MAGI1: variants seen among roughly 807,000 people sequenced by gnomAD.
The protein encoded by MAGI1 is membrane-associated guanylate kinase, WW and PDZ domain-containing protein 1.
In MAGI1, 58 loss-of-function variants were observed where a neutral mutation model predicts 139.9. That is an observed-to-expected ratio of 0.41 (90% CI 0.34 to 0.52). MAGI1 has a LOEUF of 0.52. MAGI1 is among the 20% of genes least tolerant of loss of function. MAGI1 has a pLI of 0.12. For missense variants in MAGI1, 1,874 were observed against 1,901.6 expected (o/e 0.99, Z 0.27); for synonymous variants, 812 against 737.9 (o/e 1.10, Z -1.63).
At chr3:65,977,765 G>A (rs2065341342) in intron 1 of MAGI1, among the ~76,000 whole-genome samples, 6 of 151,744 alleles carry the variant, frequency 4.0e-5, no homozygotes, top group Non-Finnish European at 7.4e-5. Flanking sequence ...GACCTGAAAG[G>A]CCCTACAGGC....
In MAGI1 at chr3:66,015,535, T is replaced by C. The variant is rs114919834; in HGVS notation, c.313+22461A>G. 5.2e-3 allele frequency among the ~76,000 whole-genome samples: 791 copies of C among 152,280 alleles called. 3 individuals are homozygous for C. Among genetic ancestry groups the C allele is most frequent in the African/African-American group, 0.018 (763 of 41,556 alleles). The stretch of plus-strand genomic sequence containing the variant: ...ATGGGAATGATTATAACACATTTCA[T>C]AGAGCTGATTGAGAAGTAAATGAGT... On this transcript the variant is annotated intron_variant, in intron 1 of 22. Coordinates refer to ENST00000402939, the MANE Select transcript of MAGI1 (RefSeq NM_001033057.2).
chr3:65,731,060 G>A (rs368693283), intron 1 of MAGI1, among the ~76,000 whole-genome samples: 8 of 152,162 alleles, frequency 5.3e-5, no homozygotes, highest in East Asian at 3.9e-4. Flanking sequence ...GGTAACCACC[G>A]TGCAACAGGG....
intron 1 of MAGI1, among the ~76,000 whole-genome samples, chr3:65,862,000 T>A (rs184840083): frequency 6.6e-6 from 1 of 152,312 alleles, no homozygotes; most frequent in Admixed American, 6.5e-5. Flanking sequence ...GTCTCTCTAA[T>A]TGGCACCACC....
At chr3:65,847,784 C>G (rs1395428353) in intron 1 of MAGI1, among the ~76,000 whole-genome samples, 1 of 152,162 alleles carries the variant, frequency 6.6e-6, no homozygotes, top group South Asian at 2.1e-4. Context: ...CTGGGTACTA[C>G]GCTCTTCACT....
intron 18 of MAGI1, chr3:65,371,893 A>T (rs1942038428): frequency 2.2e-6 from 1 of 446,572 alleles, no homozygotes; most frequent in South Asian, 1.6e-5. Context: ...TTCCAATTCT[A>T]CTTCTCTTGC....
intron 1 of MAGI1, among the ~76,000 whole-genome samples, chr3:65,654,001 G>A (rs999105534): frequency 2.0e-5 from 3 of 152,152 alleles, no homozygotes; most frequent in Non-Finnish European, 4.4e-5. Flanking sequence ...ACAGCCATAT[G>A]TGAACAGGAA....
At chr3:65,807,347 G>A (rs1178116728) in intron 1 of MAGI1, among the ~76,000 whole-genome samples, 2 of 152,076 alleles carry the variant, frequency 1.3e-5, no homozygotes, top group African/African-American at 4.8e-5. Flanking sequence ...CATATAGGAA[G>A]GACAAAAAGG....
Position 65,835,637 on chromosome 3 carries a change from T to C in MAGI1, c.313+202359A>G, listed in dbSNP as rs374257571. 1.4e-4 allele frequency among the ~76,000 whole-genome samples: 21 copies of C among 152,358 alleles called. No homozygotes were observed. The East Asian group carries it at 3.5e-3, about 25-fold the overall frequency. On this transcript the variant is annotated intron_variant, in intron 1 of 22. Transcript: ENST00000402939. Reference sequence around the variant, plus strand: ...TATACAAGAAATCAACGACTCTGTCTGGTGTATTTACTTTCATTGCCAGAT... The same window carrying C: ...TATACAAGAAATCAACGACTCTGTCCGGTGTATTTACTTTCATTGCCAGAT...
intron 1 of MAGI1, among the ~76,000 whole-genome samples, chr3:65,731,067 AG>A (rs1162085657): frequency 1.3e-5 from 2 of 152,184 alleles, no homozygotes; most frequent in African/African-American, 4.8e-5. Flanking sequence ...ACCGTGCAAC[AG>A]GGCATTTCTT....
In MAGI1 at chr3:65,859,858, G is replaced by T. The variant is rs1252447163; in HGVS notation, c.313+178138C>A. Among the ~76,000 whole-genome samples the T allele has an allele frequency of 3.3e-5, 5 of 151,656 alleles. No individual in the cohort carries two copies. The East Asian group carries it at 9.7e-4, about 29-fold the overall frequency. Reference sequence around the variant, plus strand: ...CCTCTGCTTTAACCCTTACCAAAAAGTAACCTATGCTAACCAATCAGGTGT... The same window carrying T: ...CCTCTGCTTTAACCCTTACCAAAAATTAACCTATGCTAACCAATCAGGTGT... On this transcript the variant is annotated intron_variant, in intron 1 of 22. Coordinates refer to ENST00000402939, the MANE Select transcript of MAGI1 (RefSeq NM_001033057.2).
chr3:65,387,061 T>A (rs1261873899), intron 14 of MAGI1: 1 of 1,274,038 alleles, frequency 7.8e-7, no homozygotes, highest in Non-Finnish European at 1.1e-6. Flanking sequence ...TTTCTGAACT[T>A]CTCCCCAGGC....
chr3:65,897,483 G>A (rs146283955), intron 1 of MAGI1, among the ~76,000 whole-genome samples: 2 of 151,820 alleles, frequency 1.3e-5, no homozygotes, highest in Non-Finnish European at 2.9e-5. Flanking sequence ...TGGGGGGCAG[G>A]GGCGGAATAG....
intron 1 of MAGI1, among the ~76,000 whole-genome samples, chr3:65,782,335 A>G (rs2038999228): frequency 6.6e-6 from 1 of 152,140 alleles, no homozygotes; most frequent in Admixed American, 6.6e-5. Flanking sequence ...AGATGGAGGA[A>G]AGGAATGTCC....
chr3:65,454,827 C>T (rs1405057024), intron 5 of MAGI1, among the ~76,000 whole-genome samples: 6 of 151,832 alleles, frequency 4.0e-5, no homozygotes, highest in African/African-American at 1.5e-4. Flanking sequence ...ATATAGCAAC[C>T]ACCACCATCA....
At chr3:65,602,447 C>G (rs2082527596) in intron 2 of MAGI1, among the ~76,000 whole-genome samples, 2 of 151,254 alleles carry the variant, frequency 1.3e-5, no homozygotes, top group Admixed American at 6.6e-5. Context: ...CAACATGTCA[C>G]ATATTGTGTT....
At chr3:65,833,269 C>A (rs557125739) in intron 1 of MAGI1, among the ~76,000 whole-genome samples, 3 of 152,060 alleles carry the variant, frequency 2.0e-5, no homozygotes, top group African/African-American at 7.2e-5. Flanking sequence ...CAGGCGTGCA[C>A]CACTACGCTC....
Position 65,430,067 on chromosome 3 carries a change from C to T in MAGI1, c.1620G>A (p.Gln540=). The part of the protein sequence containing the change: ...HTHAQVVKIF[Q]SIPIGASVDL... ...CCACGCTGGCACCAATGGGGATGGA[C>T]TGGAAGATCTTCACAACTTGAGCAT... The change falls in exon 12 of 23, where the codon CAG becomes CAA. Residue 540 remains glutamine (Q), a synonymous_variant. Transcript: ENST00000402939. The T allele has an allele frequency of 6.2e-7, 1 of 1,613,832 alleles. No homozygotes were observed.
At chr3:65,378,191 C>T (rs1261038163) in intron 17 of MAGI1, among the ~76,000 whole-genome samples, 1 of 152,146 alleles carries the variant, frequency 6.6e-6, no homozygotes, top group Non-Finnish European at 1.5e-5. Context: ...ATTCATATAT[C>T]ACTAGTTTCT....
At chr3:65,425,119 AAAAAAAAAAAAAAC>A (rs869284469) in intron 12 of MAGI1, among the ~76,000 whole-genome samples, 6 of 53,300 alleles carry the variant, frequency 1.1e-4, no homozygotes, top group African/African-American at 4.7e-4. Flanking sequence ...AAAAAAAAAA[AAAAAAAAAAAAAAC>A]AAAAAAAAAC....
Sources: allele counts gnomAD v4.1 joint callset (sites outside exome capture counted in the v4.1 genomes callset), GRCh38; gene constraint gnomAD v4.1.1; transcripts MANE v1.5; gene names NCBI Gene and HGNC (gene_info 2026-07-23, HGNC 2026-07-21).